LUZP2: variants seen among roughly 807,000 people sequenced by gnomAD.
The protein encoded by LUZP2 is leucine zipper protein 2.
Under a neutral mutation model 51.6 loss-of-function variants are expected in LUZP2, and 52 were observed. The ratio of observed to expected loss-of-function variants is 1.01; its 90% CI spans 0.81 to 1.27. LUZP2 has a LOEUF of 1.27. Among genes scored for constraint, LUZP2 ranks in the 50% most tolerant of loss-of-function variants. The pLI is 0.00. For missense variants in LUZP2, 436 were observed against 395.4 expected, an observed-to-expected ratio of 1.10 and a Z score of -0.87; for synonymous variants, 154 against 137.3, an observed-to-expected ratio of 1.12 and a Z score of -0.85.
chr11:24,937,737 T>G (rs2133844235), intron 7 of LUZP2, among the ~76,000 whole-genome samples: 1 of 151,662 alleles, frequency 6.6e-6, no homozygotes, highest in East Asian at 1.9e-4. Context: ...CCGTCTCTAC[T>G]AACAATACAA....
rs938777435 is a variant in LUZP2, at chr11:24,939,336, G to A, written c.522+24798G>A. Among the ~76,000 whole-genome samples, 5 of 152,002 alleles carry A rather than the reference G, an allele frequency of 3.3e-5. 1 individual carries two copies. Among genetic ancestry groups the A allele is most frequent in the Admixed American group, 6.6e-5 (1 of 15,260 alleles). On this transcript the variant is annotated intron_variant, in intron 7 of 11. Transcript: ENST00000336930. ...ATTTTCAGATCCTCAGTCTAGTAAG[G>A]GAGAGGGTCTAGTTTGCAATCAATT...
chr11:24,582,646 G>A (rs972733200), intron 1 of LUZP2, among the ~76,000 whole-genome samples: 22 of 152,170 alleles, frequency 1.4e-4, no homozygotes, highest in Middle Eastern at 3.4e-3. Context: ...GTACCCAGCA[G>A]CAGAGTATAC....
intron 1 of LUZP2, among the ~76,000 whole-genome samples, chr11:24,660,156 T>G (rs1408179600): frequency 6.6e-6 from 1 of 152,146 alleles, no homozygotes; most frequent in Admixed American, 6.6e-5. Flanking sequence ...CAATACCATG[T>G]GAACTTGGAA....
chr11:25,013,828 C>T (rs1857053634), intron 9 of LUZP2, among the ~76,000 whole-genome samples: 1 of 151,964 alleles, frequency 6.6e-6, no homozygotes, highest in African/African-American at 2.4e-5. Flanking sequence ...ATACATGTGA[C>T]ATGTTGGTGT....
At chr11:24,726,426 C>A (rs1482359841) in intron 1 of LUZP2, among the ~76,000 whole-genome samples, 1 of 151,092 alleles carries the variant, frequency 6.6e-6, no homozygotes, top group Admixed American at 6.6e-5. Flanking sequence ...TCTCATGTGC[C>A]CCATAAATAC....
chr11:25,022,778 TA>T (rs2133976853), intron 9 of LUZP2, among the ~76,000 whole-genome samples: 1 of 152,268 alleles, frequency 6.6e-6, no homozygotes, highest in East Asian at 1.9e-4. Context: ...TGATAATGGC[TA>T]TGGGTTTGTC....
At chr11:24,647,361 G>A (rs1285579222) in intron 1 of LUZP2, among the ~76,000 whole-genome samples, 10 of 151,618 alleles carry the variant, frequency 6.6e-5, no homozygotes, top group Admixed American at 6.6e-4. Flanking sequence ...AATGCAGCCA[G>A]TATTTAAATA....
intron 5 of LUZP2, among the ~76,000 whole-genome samples, chr11:24,800,184 G>A (rs568935965): frequency 2.6e-5 from 4 of 151,936 alleles, no homozygotes; most frequent in South Asian, 2.1e-4. Context: ...TCCTACACAC[G>A]CTCCATACAT....
intron 1 of LUZP2, among the ~76,000 whole-genome samples, chr11:24,652,557 T>A (rs1855661020): frequency 6.6e-6 from 1 of 152,088 alleles, no homozygotes; most frequent in Non-Finnish European, 1.5e-5. Flanking sequence ...TATGTCCTCA[T>A]GCAAAGTGAA....
chr11:24,644,490 CTTT>C (rs959341202), intron 1 of LUZP2, among the ~76,000 whole-genome samples: 1 of 144,776 alleles, frequency 6.9e-6, no homozygotes. Flanking sequence ...TCCAACCTCT[CTTT>C]TTTTTTTTTT....
chr11:25,067,665 C>T lies in LUZP2; in HGVS notation c.859-9664C>T, dbSNP rs147525924. ...GTTAGAATGGCAATCATTAAAAAGT[C>T]AGGAAACAACAGAGGCTGGAGACGA... is the stretch of plus-strand genomic sequence containing the variant. On this transcript the variant is annotated intron_variant, in intron 10 of 11. Transcript: ENST00000336930. Among the ~76,000 whole-genome samples the T allele has an allele frequency of 5.4e-3, 819 of 152,054 alleles. 8 individuals are homozygous for T. The highest frequency in any genetic ancestry group is 0.019 in the African/African-American group (779 of 41,492).
intron 7 of LUZP2, among the ~76,000 whole-genome samples, chr11:24,916,915 T>G (rs1590725640): frequency 6.6e-6 from 1 of 152,336 alleles, no homozygotes; most frequent in Non-Finnish European, 1.5e-5. Context: ...CCACACTGTC[T>G]TCCACAGTGG....
At chr11:24,686,657 T>C (rs1299646682) in intron 1 of LUZP2, among the ~76,000 whole-genome samples, 2 of 152,138 alleles carry the variant, frequency 1.3e-5, no homozygotes, top group Non-Finnish European at 2.9e-5. Flanking sequence ...ACCTACTAAT[T>C]CTTAGGAGTT....
chr11:24,738,810 C>T (rs1222009123), intron 4 of LUZP2, among the ~76,000 whole-genome samples: 2 of 152,018 alleles, frequency 1.3e-5, no homozygotes, highest in Non-Finnish European at 2.9e-5. Flanking sequence ...AACAAACTTT[C>T]TCACCCGAAA....
At chr11:24,958,342 T>C (rs907594871) in intron 7 of LUZP2, among the ~76,000 whole-genome samples, 2 of 152,242 alleles carry the variant, frequency 1.3e-5, no homozygotes, top group African/African-American at 4.8e-5. Context: ...ACTTCCACAA[T>C]GGTTGAACTA....
chr11:24,807,439 C>G (rs1007317304), intron 5 of LUZP2, among the ~76,000 whole-genome samples: 2 of 142,858 alleles, frequency 1.4e-5, no homozygotes, highest in Admixed American at 7.3e-5. Context: ...CCAGCCTGGG[C>G]GACAGAGTAA....
At chr11:24,776,924 C>T (rs1176631032) in intron 5 of LUZP2, among the ~76,000 whole-genome samples, 1 of 151,826 alleles carries the variant, frequency 6.6e-6, no homozygotes, top group Non-Finnish European at 1.5e-5. Context: ...ATGACTGGAA[C>T]TGATGGTGCC....
intron 5 of LUZP2, among the ~76,000 whole-genome samples, chr11:24,904,650 C>T (rs189902145): frequency 6.6e-6 from 1 of 152,140 alleles, no homozygotes. Context: ...TTGGTTTGTT[C>T]TAGATAGTAA....
rs143716790 is a variant in LUZP2 at position 24,827,941 on chromosome 11, A to G, written c.396+64633A>G. Reference sequence around the variant, plus strand: ...AGAAAATTTCCACAGAGATACATGCATTAGACTAGACCAAGCTGAATGACA... The same window carrying G: ...AGAAAATTTCCACAGAGATACATGCGTTAGACTAGACCAAGCTGAATGACA... On this transcript the variant is annotated intron_variant, in intron 5 of 11. Transcript: ENST00000336930. Among the ~76,000 whole-genome samples, 8 of 152,220 alleles carry G rather than the reference A, an allele frequency of 5.3e-5. No homozygotes were observed. In the South Asian group the frequency reaches 6.2e-4, roughly 12 times the overall value.
Sources: gnomAD v4.1 joint callset for allele counts (sites outside exome capture counted in the v4.1 genomes callset) on GRCh38, gnomAD v4.1.1 for gene constraint, MANE v1.5 for transcripts, NCBI Gene and HGNC (gene_info 2026-07-23, HGNC 2026-07-21) for gene names.